The following CDC14A variants were observed in gnomAD, a reference collection of about 807,000 sequenced individuals.
CDC14A encodes cell division cycle 14A.
A neutral mutation model predicts 74.4 loss-of-function variants in CDC14A; 53 were observed. The ratio of observed to expected loss-of-function variants is 0.71; its 90% CI spans 0.57 to 0.89. The LOEUF (loss-of-function observed/expected upper bound fraction) is 0.89, where lower values mean the gene tolerates loss of function less well. Ranked by LOEUF, CDC14A falls within the 40% of genes least tolerant of loss-of-function variation. The pLI, the probability that CDC14A is intolerant of heterozygous loss-of-function variation, is 0.00. For missense variants in CDC14A, 646 were observed against 713.7 expected, an observed-to-expected ratio of 0.91 and a Z score of 1.08; for synonymous variants, 247 against 258.4, an observed-to-expected ratio of 0.96 and a Z score of 0.43.
intron 4 of CDC14A, among the ~76,000 whole-genome samples, chr1:100,405,514 T>A (rs1408739452): frequency 6.6e-6 from 1 of 152,178 alleles, no homozygotes; most frequent in Non-Finnish European, 1.5e-5. Context: ...CATCATTCAT[T>A]AGCTATTCTT....
intron 2 of CDC14A, among the ~76,000 whole-genome samples, chr1:100,371,183 A>T (rs1359799158): frequency 6.6e-6 from 1 of 152,226 alleles, no homozygotes; most frequent in East Asian, 1.9e-4. Flanking sequence ...GTTGTTTATC[A>T]GTTCCAGGAG....
chr1:100,490,034 T>C (rs1360993708), intron 11 of CDC14A, among the ~76,000 whole-genome samples: 1 of 152,196 alleles, frequency 6.6e-6, no homozygotes, highest in East Asian at 1.9e-4. Flanking sequence ...GAAGGAGGCC[T>C]AACAGCACCT....
chr1:100,371,368 T>G (rs532488947), intron 2 of CDC14A, among the ~76,000 whole-genome samples: 1 of 152,314 alleles, frequency 6.6e-6, no homozygotes, highest in South Asian at 2.1e-4. Flanking sequence ...CATCCTTGTC[T>G]TGTTTCAACT....
chr1:100,428,778 A>G (rs954747837), intron 5 of CDC14A, among the ~76,000 whole-genome samples: 7 of 152,140 alleles, frequency 4.6e-5, no homozygotes, highest in African/African-American at 1.4e-4. Flanking sequence ...AAATTGTACA[A>G]TTCTTATTTA....
chr1:100,477,555 A>T (rs1669033515), intron 10 of CDC14A, among the ~76,000 whole-genome samples: 1 of 152,056 alleles, frequency 6.6e-6, no homozygotes, highest in Non-Finnish European at 1.5e-5. Flanking sequence ...AGGACTTATC[A>T]AAAGAGGATA....
rs140869236 is a variant in CDC14A at position 100,417,168 on chromosome 1, C to T, written c.310-7054C>T. On this transcript the variant is annotated intron_variant, in intron 4 of 15. Transcript: ENST00000336454. ...GCAGGGGCCTGATCTTATTGGGTTGCCAAAAAGACTGTCTCACTTTAGAGC... is the reference window on the plus strand; with the variant it reads ...GCAGGGGCCTGATCTTATTGGGTTGTCAAAAAGACTGTCTCACTTTAGAGC... Among the ~76,000 whole-genome samples the T allele has an allele frequency of 3.3e-4, 50 of 152,148 alleles. No homozygotes were observed. The East Asian group carries it at 9.7e-3, about 29-fold the overall frequency.
intron 4 of CDC14A, among the ~76,000 whole-genome samples, chr1:100,412,979 C>T (rs1661066863): frequency 2.7e-5 from 4 of 150,930 alleles, no homozygotes; most frequent in African/African-American, 9.8e-5. Context: ...ATCACTTAAA[C>T]CCGGGAGATG....
intron 11 of CDC14A, chr1:100,485,129 T>G (rs193019099): frequency 1.0e-6 from 1 of 985,340 alleles, no homozygotes; most frequent in East Asian, 1.1e-4. Context: ...TTACTAAGAA[T>G]TAGGATTATG....
chr1:100,424,213 C>T lies in CDC14A; in HGVS notation c.310-9C>T, dbSNP rs750237691. The stretch of plus-strand genomic sequence containing the variant: ...GGGTGTTCTAAATGTTACTATTTAT[C>T]TGTCTTAGGTAATCTATTTAAAGAA... On this transcript the variant is annotated splice_polypyrimidine_tract_variant and intron_variant, in intron 4 of 15. Coordinates refer to ENST00000336454, the MANE Select transcript of CDC14A (RefSeq NM_003672.4). The T allele has an allele frequency of 5.6e-6, 9 of 1,597,922 alleles. No homozygotes were observed. The highest frequency in any genetic ancestry group is 7.7e-6 in the Non-Finnish European group (9 of 1,165,522).
chr1:100,409,988 A>G (rs1433841277), intron 4 of CDC14A, among the ~76,000 whole-genome samples: 1 of 152,184 alleles, frequency 6.6e-6, no homozygotes, highest in Non-Finnish European at 1.5e-5. Context: ...TTTTATCCAG[A>G]GTCAAATTTT....
chr1:100,367,896 C>G (rs1320492469), intron 2 of CDC14A, among the ~76,000 whole-genome samples: 1 of 152,164 alleles, frequency 6.6e-6, no homozygotes, highest in African/African-American at 2.4e-5. Flanking sequence ...GGATAGCAGC[C>G]TACTCTTAAA....
Position 100,390,763 on chromosome 1 carries a change from A to C in CDC14A, c.248A>C (p.His83Pro), listed in dbSNP as rs1557707853. 6.2e-7 allele frequency: 1 copy of C among 1,612,864 alleles called. No homozygotes were observed. The highest frequency in any genetic ancestry group is 8.5e-7 in the Non-Finnish European group (1 of 1,179,228). ...AGTTTGTCAAGAAAGAAAATAGTGC[A>C]CTACACCTGTTTTGACCAACGGAAA... Reference protein sequence around the residue: ...SYSLSRKKIVHYTCFDQRKRA... With the variant: ...SYSLSRKKIVPYTCFDQRKRA... The change falls in exon 4 of 16, where the codon CAC (histidine) becomes CCC (proline). Residue 83 changes from histidine (H) to proline (P), a missense_variant. Physicochemically the swap from His to Pro is moderately conservative, Grantham distance 77 (BLOSUM62 -2). Transcript: ENST00000336454.
chr1:100,442,986 A>T lies in CDC14A; in HGVS notation c.509A>T (p.Glu170Val). 1.3e-6 allele frequency: 2 copies of T among 1,590,284 alleles called. No homozygotes were observed. The highest frequency in any genetic ancestry group is 1.7e-6 in the Non-Finnish European group (2 of 1,159,224). ...DFETFDVDEYEHYERVENGDF... is the reference protein window; with the variant it reads ...DFETFDVDEYVHYERVENGDF... ...GAGACATTTGATGTGGATGAATATG[A>T]ACATTATGAGGTTTGTACATTTAAT... Residue 170 changes from glutamate to valine, a missense_variant, in exon 7 of 16, where the codon GAA becomes GTA. By Grantham distance (121) the Glu-to-Val change is moderately radical. Transcript: ENST00000336454.
rs79064378 is a variant in CDC14A, at chr1:100,372,661, C to T, written c.141-4885C>T. ...AATTTTAGTTCTCTTGCCATTTCCACCACATCTGCAGTTACTTCCATCACT... is the reference window on the plus strand; with the variant it reads ...AATTTTAGTTCTCTTGCCATTTCCATCACATCTGCAGTTACTTCCATCACT... On this transcript the variant is annotated intron_variant, in intron 2 of 15. Transcript: ENST00000336454. 2.9e-3 allele frequency among the ~76,000 whole-genome samples: 443 copies of T among 152,296 alleles called. 2 individuals are homozygous for T. Among genetic ancestry groups the T allele is most frequent in the African/African-American group, 9.6e-3 (397 of 41,570 alleles).
intron 15 of CDC14A, chr1:100,505,105 AAC>A (rs1352451026): frequency 9.0e-6 from 2 of 221,874 alleles, no homozygotes; most frequent in Non-Finnish European, 7.6e-6. Flanking sequence ...CATGGTTTCT[AAC>A]ACAGTACCGG....
chr1:100,504,846 C>G lies in CDC14A; in HGVS notation c.1755+5584C>G, dbSNP rs1216785365. ...GCCTACTGCTAGTCTTTAGGAAGCCCTTTCTTGGAAGCCCCCTGCTCTCCT... is the reference window on the plus strand; with the variant it reads ...GCCTACTGCTAGTCTTTAGGAAGCCGTTTCTTGGAAGCCCCCTGCTCTCCT... On this transcript the variant is annotated intron_variant, in intron 15 of 15. Transcript: ENST00000336454. 6.5e-7 allele frequency: 1 copy of G among 1,535,754 alleles called. No individual in the cohort carries two copies. The highest frequency in any genetic ancestry group is 2.0e-5 in the Admixed American group (1 of 50,984).
chr1:100,379,143 C>T (rs942687756), intron 3 of CDC14A, among the ~76,000 whole-genome samples: 1 of 152,086 alleles, frequency 6.6e-6, no homozygotes, highest in African/African-American at 2.4e-5. Flanking sequence ...GAGTCATTAT[C>T]AGGAAAGTAA....
At chr1:100,416,826 A>G (rs1661590881) in intron 4 of CDC14A, among the ~76,000 whole-genome samples, 1 of 152,202 alleles carries the variant, frequency 6.6e-6, no homozygotes, top group Non-Finnish European at 1.5e-5. Context: ...TGATAGTTAC[A>G]ATTATTATCC....
chr1:100,471,153 G>GA (rs562290781), intron 10 of CDC14A, among the ~76,000 whole-genome samples: 4 of 150,100 alleles, frequency 2.7e-5, no homozygotes, highest in Non-Finnish European at 4.4e-5. Flanking sequence ...ATTGTAAGAG[G>GA]AAAAAAAAAG....
Sources: gnomAD v4.1 joint callset for allele counts (sites outside exome capture counted in the v4.1 genomes callset) on GRCh38, gnomAD v4.1.1 for gene constraint, MANE v1.5 for transcripts, NCBI Gene and HGNC (gene_info 2026-07-23, HGNC 2026-07-21) for gene names.